Variants in GRB10 observed in about 807,000 individuals in gnomAD.
GRB10 encodes the protein growth factor receptor bound protein 10, also known as growth factor receptor-bound protein 10.
A neutral mutation model predicts 80.9 loss-of-function variants in GRB10; 20 were observed. The observed-to-expected ratio is 0.25, with a 90% CI of 0.17 to 0.36. The LOEUF (loss-of-function observed/expected upper bound fraction) is 0.36. Among genes scored for constraint, GRB10 ranks in the 10% least tolerant of loss-of-function variants. GRB10 has a pLI of 1.00. For missense variants in GRB10, 548 were observed against 747.7 expected (o/e 0.73, Z 3.12); for synonymous variants, 291 against 291.5 (o/e 1.00, Z 0.02).
chr7:50,674,423 G>A lies in GRB10; in HGVS notation c.362+13C>T. The A allele has an allele frequency of 1.2e-6, 2 of 1,601,560 alleles. No homozygotes were observed. Among genetic ancestry groups the A allele is most frequent in the Non-Finnish European group, 1.7e-6 (2 of 1,179,402 alleles). ...TCCTTGGAGAAGGCTCTGCCCATAAGGCCTGGACCTACCTGACAGCGAGGA... is the reference window on the plus strand; with the variant it reads ...TCCTTGGAGAAGGCTCTGCCCATAAAGCCTGGACCTACCTGACAGCGAGGA... On this transcript the variant is annotated intron_variant, in intron 6 of 18. Coordinates refer to ENST00000401949, the MANE Select transcript of GRB10 (RefSeq NM_001350814.2).
intron 11 of GRB10, among the ~76,000 whole-genome samples, chr7:50,615,082 T>C (rs2050329911): frequency 6.6e-6 from 1 of 152,068 alleles, no homozygotes; most frequent in Non-Finnish European, 1.5e-5. Context: ...AACACCCACT[T>C]CCCCAGTTCT....
At position 50,669,684 on chromosome 7, in the gene GRB10, T is replaced by C. The variant is rs112773368; in HGVS notation, c.504+38A>G. ...CTGTGCAGATCCCAATAATCTGGCA[T>C]ATCCCTCAGCCTGGGCTCCAGCCAG... On this transcript the variant is annotated intron_variant, in intron 7 of 18. Coordinates refer to ENST00000401949, the MANE Select transcript of GRB10 (RefSeq NM_001350814.2). 3.7e-4 allele frequency: 585 copies of C among 1,599,558 alleles called. 2 individuals are homozygous for C. In the African/African-American group the frequency reaches 6.8e-3, roughly 19 times the overall value.
chr7:50,752,260 A>G (rs1199561263), intron 3 of GRB10, among the ~76,000 whole-genome samples: 1 of 152,192 alleles, frequency 6.6e-6, no homozygotes, highest in Non-Finnish European at 1.5e-5. Context: ...AAGGATAAAC[A>G]GGAGATTCAG....
At chr7:50,655,586 T>A (rs1018339705) in intron 7 of GRB10, among the ~76,000 whole-genome samples, 5 of 152,194 alleles carry the variant, frequency 3.3e-5, no homozygotes, top group African/African-American at 9.6e-5. Flanking sequence ...CTAGTCCAGA[T>A]AACACGTCAG....
At chr7:50,748,190 G>A (rs1352247752) in intron 3 of GRB10, among the ~76,000 whole-genome samples, 1 of 152,188 alleles carries the variant, frequency 6.6e-6, no homozygotes, top group African/African-American at 2.4e-5. Flanking sequence ...ACGGGGTCCT[G>A]TGGTTTCGGA....
At chr7:50,778,536 C>A (rs909107762) in intron 2 of GRB10, among the ~76,000 whole-genome samples, 1 of 152,218 alleles carries the variant, frequency 6.6e-6, no homozygotes, top group African/African-American at 2.4e-5. Context: ...GTGATCCACA[C>A]AGTGGAGCCT....
chr7:50,639,669 G>A (rs2055836761), intron 7 of GRB10, among the ~76,000 whole-genome samples: 1 of 142,346 alleles, frequency 7.0e-6, no homozygotes, highest in Non-Finnish European at 1.5e-5. Context: ...GCAAGACTCT[G>A]TCTCAAAAAA....
intron 3 of GRB10, chr7:50,747,688 G>C (rs1328098443): frequency 6.6e-6 from 1 of 152,248 alleles, no homozygotes; most frequent in African/African-American, 2.4e-5. Context: ...AGGCCGCCTG[G>C]GAGGAGAGAA....
chr7:50,712,299 C>A (rs1452034320), intron 4 of GRB10, among the ~76,000 whole-genome samples: 1 of 152,134 alleles, frequency 6.6e-6, no homozygotes, highest in African/African-American at 2.4e-5. Flanking sequence ...GGAAAGGAAG[C>A]AAGAGGTTTT....
intron 4 of GRB10, among the ~76,000 whole-genome samples, chr7:50,714,610 C>A (rs2066525988): frequency 6.6e-6 from 1 of 152,018 alleles, no homozygotes; most frequent in Non-Finnish European, 1.5e-5. Context: ...TTGCAGTGAG[C>A]CGAGATTGCA....
At chr7:50,776,083 T>C (rs759365171) in intron 2 of GRB10, among the ~76,000 whole-genome samples, 2 of 152,222 alleles carry the variant, frequency 1.3e-5, no homozygotes, top group Non-Finnish European at 2.9e-5. Flanking sequence ...TCTTGATGAA[T>C]AGCATCTGGC....
At chr7:50,617,883 T>G (rs1182621489) in intron 10 of GRB10, 188 bp downstream of exon 10, 22 of 644,022 alleles carry the variant, frequency 3.4e-5, no homozygotes, top group Non-Finnish European at 4.7e-5. Flanking sequence ...CACACAGATT[T>G]TCCAAGGAAA....
At chr7:50,724,326 G>A (rs1182964472) in intron 4 of GRB10, among the ~76,000 whole-genome samples, 2 of 152,186 alleles carry the variant, frequency 1.3e-5, no homozygotes, top group Admixed American at 6.5e-5. Flanking sequence ...AACTCACATA[G>A]CAATGAATTG....
rs180935977 is a variant in GRB10, at chr7:50,613,617, C to T, written c.1096-778G>A. ...TTGAGGGACAGGTGTGACTACCCTGCGCTCGGCTGGTGCTATGAGAGAAGC... is the reference window on the plus strand; with the variant it reads ...TTGAGGGACAGGTGTGACTACCCTGTGCTCGGCTGGTGCTATGAGAGAAGC... On this transcript the variant is annotated intron_variant, in intron 12 of 18. Transcript: ENST00000401949. Among the ~76,000 whole-genome samples the T allele has an allele frequency of 9.7e-4, 147 of 152,288 alleles. 1 individual carries two copies. The highest frequency in any genetic ancestry group is 3.4e-3 in the Middle Eastern group (1 of 294).
chr7:50,661,460 G>A (rs1222297261), intron 7 of GRB10, among the ~76,000 whole-genome samples: 2 of 152,188 alleles, frequency 1.3e-5, no homozygotes, highest in South Asian at 2.1e-4. Context: ...GTAGCTGCAC[G>A]AGAATCTTTA....
chr7:50,787,413 A>G (rs78873070), upstream of GRB10, among the ~76,000 whole-genome samples: 5,473 of 152,340 alleles, frequency 0.036, 322 homozygotes, highest in African/African-American at 0.12. Context: ...CTATGTCTAC[A>G]TATCACTCTG....
At chr7:50,632,798 C>T (rs752604480) in intron 7 of GRB10, among the ~76,000 whole-genome samples, 37 of 151,628 alleles carry the variant, frequency 2.4e-4, no homozygotes, top group Non-Finnish European at 4.3e-4. Flanking sequence ...TGAAGAGACT[C>T]TGTTGCGCAG....
chr7:50,601,776 C>T (rs2047654434), intron 17 of GRB10, among the ~76,000 whole-genome samples: 1 of 151,864 alleles, frequency 6.6e-6, no homozygotes, highest in South Asian at 2.1e-4. Context: ...TTAAAAAAGC[C>T]CATGTCCTAG....
At chr7:50,633,518 T>G (rs1461485328) in intron 7 of GRB10, among the ~76,000 whole-genome samples, 1 of 152,148 alleles carries the variant, frequency 6.6e-6, no homozygotes. Context: ...AACAATGTTG[T>G]GACATCCACA....
Sources: allele counts gnomAD v4.1 joint callset (sites outside exome capture counted in the v4.1 genomes callset), GRCh38; gene constraint gnomAD v4.1.1; transcripts MANE v1.5; gene names NCBI Gene and HGNC (gene_info 2026-07-23, HGNC 2026-07-21).